STK25: variants seen among roughly 807,000 people sequenced by gnomAD.
The protein encoded by STK25 is serine/threonine-protein kinase 25.
STK25 carries 29 observed loss-of-function variants against 53.8 expected under a neutral mutation model. The ratio of observed to expected loss-of-function variants is 0.54; its 90% CI spans 0.40 to 0.74. The LOEUF is 0.74. STK25 is among the 30% of genes least tolerant of loss of function. The pLI is 0.00. For missense variants in STK25, 420 were observed against 568.0 expected (o/e 0.74, Z 2.65); for synonymous variants, 247 against 238.3 (o/e 1.04, Z -0.33).
At chr2:241,505,142 C>T (rs62190458) in intron 2 of STK25, among the ~76,000 whole-genome samples, 1 of 150,842 alleles carries the variant, frequency 6.6e-6, no homozygotes, top group Non-Finnish European at 1.5e-5. Flanking sequence ...CCAGGCTAGT[C>T]TCGAACTCCT....
intron 2 of STK25, among the ~76,000 whole-genome samples, chr2:241,502,920 C>T (rs559447404): frequency 2.6e-5 from 4 of 152,244 alleles, no homozygotes; most frequent in Admixed American, 1.3e-4. Context: ...TTTCTTGATG[C>T]AGAAAGCTGC....
intron 2 of STK25, among the ~76,000 whole-genome samples, chr2:241,503,712 A>T (rs2065648486): frequency 6.6e-6 from 1 of 150,992 alleles, no homozygotes; most frequent in African/African-American, 2.4e-5. Context: ...AAAAAAAAAA[A>T]AAAAAGGCAA....
intron 2 of STK25, among the ~76,000 whole-genome samples, chr2:241,503,783 G>A (rs1007308337): frequency 2.0e-5 from 3 of 151,594 alleles, no homozygotes; most frequent in African/African-American, 4.9e-5. Flanking sequence ...GGGTGGGGGT[G>A]CCCTGCACGT....
At chr2:241,505,824 AGGGT>A (rs1200549399) in intron 2 of STK25, among the ~76,000 whole-genome samples, 1 of 152,182 alleles carries the variant, frequency 6.6e-6, no homozygotes, top group Non-Finnish European at 1.5e-5. Flanking sequence ...TGGAGAAGAA[AGGGT>A]AAGTGGGCCC....
chr2:241,508,776 C>G (rs927695063), upstream of STK25: 29 of 983,848 alleles, frequency 2.9e-5, no homozygotes, highest in African/African-American at 1.9e-4. Context: ...GTCCTGCTCC[C>G]GAAAGGTTTG....
chr2:241,502,395 G>A (rs959283718), intron 2 of STK25, among the ~76,000 whole-genome samples: 1 of 152,112 alleles, frequency 6.6e-6, no homozygotes, highest in Admixed American at 6.5e-5. Flanking sequence ...GGTGAGGGGG[G>A]ATTTGGGAGC....
Position 241,495,587 on chromosome 2 carries a change from A to G in STK25, c.*75T>C. On this transcript the variant is annotated 3_prime_UTR_variant, in exon 12 of 12. Coordinates refer to ENST00000316586, the MANE Select transcript of STK25 (RefSeq NM_001271977.2). ...CACGACATAGCACAGGGCACCTTCCAAGTCAGCACAGTTCTTATGGAGCTC... is the reference window on the plus strand; with the variant it reads ...CACGACATAGCACAGGGCACCTTCCGAGTCAGCACAGTTCTTATGGAGCTC... The G allele has an allele frequency of 1.3e-6, 2 of 1,560,340 alleles. No individual in the cohort carries two copies. Among genetic ancestry groups the G allele is most frequent in the Non-Finnish European group, 8.8e-7 (1 of 1,131,298 alleles).
At position 241,499,021 on chromosome 2, in the gene STK25, C is replaced by T. The variant is rs767740659; in HGVS notation, c.739G>A (p.Val247Met). 8 of 1,613,992 alleles carry T rather than the reference C, an allele frequency of 5.0e-6. No individual in the cohort carries two copies. Among genetic ancestry groups the T allele is most frequent in the Non-Finnish European group, 6.8e-6 (8 of 1,180,004 alleles). The change falls in exon 7 of 12, where the codon GTG becomes ATG. Residue 247 changes from valine (V) to methionine (M), a missense_variant. Transcript: ENST00000316586. The stretch of plus-strand genomic sequence containing the variant: ...GGGTCTTTGTTGAGGCAGGCCTCCA[C>T]GAACTCCTTGAAGGGCTTGCTGTGC... Reference protein sequence around the residue: ...GQHSKPFKEFVEACLNKDPRF... With the variant: ...GQHSKPFKEFMEACLNKDPRF...
intron 8 of STK25, 104 bp from the exon 9 acceptor site, chr2:241,498,453 G>A (rs2065306802): frequency 1.7e-5 from 22 of 1,297,372 alleles, no homozygotes; most frequent in Non-Finnish European, 2.3e-5. Flanking sequence ...GTACCAGACG[G>A]GGCTCTGCCA....
In STK25 at chr2:241,493,302, C is replaced by T. The variant is rs1458535880; in HGVS notation, c.*2360G>A. On this transcript the variant is annotated 3_prime_UTR_variant, in exon 12 of 12. Coordinates refer to ENST00000316586, the MANE Select transcript of STK25 (RefSeq NM_001271977.2). Reference sequence around the variant, plus strand: ...CTATGCTGTCTTGCAGGATGACTACCCACTGGCCAGCCTCCCGCTGCTGGG... The same window carrying T: ...CTATGCTGTCTTGCAGGATGACTACTCACTGGCCAGCCTCCCGCTGCTGGG... 6.2e-7 allele frequency: 1 copy of T among 1,613,698 alleles called. No homozygotes were observed. The highest frequency in any genetic ancestry group is 8.5e-7 in the Non-Finnish European group (1 of 1,179,984).
Position 241,493,254 on chromosome 2 carries a change from C to T in STK25, c.*2408G>A, listed in dbSNP as rs772939032. On this transcript the variant is annotated 3_prime_UTR_variant, in exon 12 of 12. Coordinates refer to ENST00000316586, the MANE Select transcript of STK25 (RefSeq NM_001271977.2). ...GAGGAATGGGCATTCCCTGTGGCAA[C>T]CCAGCCCCTGGAACCCGTGTCCCTA... 2.5e-6 allele frequency: 4 copies of T among 1,605,444 alleles called. No individual in the cohort carries two copies. The highest frequency in any genetic ancestry group is 3.4e-6 in the Non-Finnish European group (4 of 1,174,202).
At position 241,494,051 on chromosome 2, in the gene STK25, GC is replaced by G; in HGVS notation, c.*1610del. 7.0e-7 allele frequency: 1 copy of G among 1,423,730 alleles called. No individual in the cohort carries two copies. The allele number at this position is 1,423,730 out of a possible 1,614,324, so 88.2% of individuals were successfully genotyped here. A position where few individuals can be genotyped will look rare whatever the true frequency, so the allele number is the denominator to read the frequency against. ...GGGGGCCAGCAGCTCAGCCGGGAGG[GC>G]CCCAAGCATCGTGCAGGATGGCCCC... On this transcript the variant is annotated 3_prime_UTR_variant, in exon 12 of 12. Transcript: ENST00000316586. The surrounding 1 kb of genome is among the most constrained non-coding windows in gnomAD (Gnocchi z 4.9).
In STK25 at chr2:241,496,756, T is replaced by TC. The variant is rs2065189539; in HGVS notation, c.1105-223dup. ...TGGTCCTTCCCCACAGCACCTACCT[T>TC]CCCCCTACACTCCGGGGAATCTCGG... On this transcript the variant is annotated intron_variant, in intron 10 of 11. Coordinates refer to ENST00000316586, the MANE Select transcript of STK25 (RefSeq NM_001271977.2). This position sits in a 1 kb window ranked among gnomAD's most constrained non-coding sequence, Gnocchi z 5.8. 6.6e-6 allele frequency among the ~76,000 whole-genome samples: 1 copy of TC among 151,228 alleles called. No homozygotes were observed. The highest frequency in any genetic ancestry group is 2.1e-4 in the South Asian group (1 of 4,754).
At position 241,501,384 on chromosome 2, in the gene STK25, GC is replaced by G. The variant is rs778872528; in HGVS notation, c.261+93del. The G allele has an allele frequency of 1.5e-6, 2 of 1,304,930 alleles. No individual in the cohort carries two copies. Among genetic ancestry groups the G allele is most frequent in the South Asian group, 2.5e-5 (2 of 79,672 alleles). 80.8% of individuals were successfully genotyped at this position (1,304,930 alleles called of 1,614,324 possible). A position where few individuals can be genotyped will look rare whatever the true frequency, so the allele number is the denominator to read the frequency against. ...GGGCATGCACTGAACCGTCAAGACC[GC>G]CTTGCACCCTCTGGCATGTCACTCA... On this transcript the variant is annotated intron_variant, in intron 3 of 11. Coordinates refer to ENST00000316586, the MANE Select transcript of STK25 (RefSeq NM_001271977.2). This position sits in a 1 kb window ranked among gnomAD's most constrained non-coding sequence, Gnocchi z 5.3.
intron 1 of STK25, 60 bp downstream of exon 1, chr2:241,508,383 G>A (rs2065987845): frequency 6.4e-6 from 7 of 1,090,734 alleles, no homozygotes; most frequent in Non-Finnish European, 7.9e-6. Flanking sequence ...CCCCGCCCCG[G>A]GCCCCTCCCT....
chr2:241,502,581 C>CA (rs1004709183), intron 2 of STK25, among the ~76,000 whole-genome samples: 4 of 151,532 alleles, frequency 2.6e-5, no homozygotes, highest in East Asian at 3.9e-4. Flanking sequence ...CTACTGAATA[C>CA]AAAAAAAATT....
In STK25 at chr2:241,493,481, T is replaced by G. The variant is rs763591445; in HGVS notation, c.*2181A>C. 93 of 1,599,234 alleles carry G rather than the reference T, an allele frequency of 5.8e-5. No individual in the cohort carries two copies. Among genetic ancestry groups the G allele is most frequent in the Non-Finnish European group, 7.5e-5 (87 of 1,167,362 alleles). On this transcript the variant is annotated 3_prime_UTR_variant, in exon 12 of 12. Transcript: ENST00000316586. Reference sequence around the variant, plus strand: ...GGAGGCAGCCCTGGTCAGCTGCCCATTTCGATGTCCGCTCAGCTCCCATTT... The same window carrying G: ...GGAGGCAGCCCTGGTCAGCTGCCCAGTTCGATGTCCGCTCAGCTCCCATTT...
rs2065180640 is a variant in STK25, at chr2:241,496,666, A to G, written c.1105-132T>C. 3.8e-6 allele frequency: 4 copies of G among 1,044,044 alleles called. No homozygotes were observed. Among genetic ancestry groups the G allele is most frequent in the Non-Finnish European group, 5.4e-6 (4 of 739,414 alleles). The allele number at this position is 1,044,044 out of a possible 1,614,324, so 64.7% of individuals were successfully genotyped here. On this transcript the variant is annotated intron_variant, in intron 10 of 11. Coordinates refer to ENST00000316586, the MANE Select transcript of STK25 (RefSeq NM_001271977.2). This position sits in a 1 kb window ranked among gnomAD's most constrained non-coding sequence, Gnocchi z 5.8. ...TAGGAGCCACACCCGGGAGCCCTTCAGCAAGCCGGGAAGTGAGGTGGCCCA... is the reference window on the plus strand; with the variant it reads ...TAGGAGCCACACCCGGGAGCCCTTCGGCAAGCCGGGAAGTGAGGTGGCCCA...
Position 241,508,476 on chromosome 2 carries a change from C to G in STK25, c.-134G>C. ...GGCTCCATCCCGGCCTCCCCCGGCC[C>G]GCTCTGCAGCGCCCGCGAAGGCTCC... On this transcript the variant is annotated 5_prime_UTR_variant, in exon 1 of 12. Transcript: ENST00000316586. 2 of 1,045,492 alleles carry G rather than the reference C, an allele frequency of 1.9e-6. No homozygotes were observed. The highest frequency in any genetic ancestry group is 2.3e-6 in the Non-Finnish European group (2 of 866,574). The allele number at this position is 1,045,492 out of a possible 1,614,324, so 64.8% of individuals were successfully genotyped here.
Sources: allele counts gnomAD v4.1 joint callset (sites outside exome capture counted in the v4.1 genomes callset), GRCh38; gene constraint gnomAD v4.1.1; non-coding constraint Gnocchi (gnomAD v3.1); transcripts MANE v1.5; gene names NCBI Gene and HGNC (gene_info 2026-07-23, HGNC 2026-07-21).